KAZN: variants seen among roughly 807,000 people sequenced by gnomAD.
The protein encoded by KAZN is kazrin, periplakin interacting protein.
In KAZN, 40 loss-of-function variants were observed where a neutral mutation model predicts 87.4. That is an observed-to-expected ratio of 0.46 (90% confidence interval 0.36 to 0.60). The LOEUF (loss-of-function observed/expected upper bound fraction) is 0.60, where lower values mean the gene tolerates loss of function less well. KAZN is among the 20% of genes least tolerant of loss of function. The probability of loss-of-function intolerance (pLI) is 0.00; values close to 1 mark genes in which losing one functional copy is unlikely to be tolerated. For missense variants in KAZN, 898 were observed against 1,073.9 expected (o/e 0.84, Z 2.29); for synonymous variants, 466 against 458.3 (o/e 1.02, Z -0.22).
chr1:14,930,060 C>G (rs1411466735), intron 1 of KAZN: 1 of 985,412 alleles, frequency 1.0e-6, no homozygotes, highest in African/African-American at 1.7e-5. Flanking sequence ...TGAGTGCTGG[C>G]CGCTGTCCCA....
chr1:14,872,251 T>G (rs1449425884), intron 1 of KAZN, among the ~76,000 whole-genome samples: 1 of 152,208 alleles, frequency 6.6e-6, no homozygotes, highest in African/African-American at 2.4e-5. Context: ...AAACTACTAC[T>G]TTAGGGTGGT....
rs369412772 is a variant in KAZN, at chr1:14,945,663, C to G, written c.227-15021C>G. Among the ~76,000 whole-genome samples the G allele has an allele frequency of 8.5e-4, 129 of 152,354 alleles. 2 individuals are homozygous for G. In the South Asian group the frequency reaches 0.025, roughly 29 times the overall value. ...TTAGAAAGGCAGCCCTGCCAGTTTT[C>G]ATAAGTGAAACATTTAAAGTATGCA... On this transcript the variant is annotated intron_variant, in intron 1 of 14. Coordinates refer to ENST00000376030, the MANE Select transcript of KAZN (RefSeq NM_201628.3).
chr1:14,250,892 A>G (rs1421464484), intron 2 of KAZN, among the ~76,000 whole-genome samples: 1 of 133,278 alleles, frequency 7.5e-6, no homozygotes, highest in Non-Finnish European at 1.7e-5. Context: ...TATTAACAGC[A>G]AAAAAGAAAA....
upstream of KAZN, among the ~76,000 whole-genome samples, chr1:14,594,823 G>A (rs1676392582): frequency 6.6e-6 from 1 of 152,150 alleles, no homozygotes; most frequent in South Asian, 2.1e-4. Flanking sequence ...TTGCAGGAGG[G>A]GGTTAGGCCA....
chr1:14,635,675 A>G (rs983603592), intron 1 of KAZN, among the ~76,000 whole-genome samples: 4 of 152,210 alleles, frequency 2.6e-5, no homozygotes, highest in African/African-American at 9.6e-5. Context: ...TGCACTTAAG[A>G]GAGCTGCGTG....
chr1:14,879,367 A>T (rs78836851), intron 1 of KAZN, among the ~76,000 whole-genome samples: 2,683 of 152,384 alleles, frequency 0.018, 93 homozygotes, highest in African/African-American at 0.061. Flanking sequence ...TAGTTTTGTT[A>T]TTAATGATTA....
intron 8 of KAZN, among the ~76,000 whole-genome samples, chr1:15,082,025 T>C (rs2100634536): frequency 6.6e-6 from 1 of 152,264 alleles, no homozygotes; most frequent in Non-Finnish European, 1.5e-5. Context: ...TAGGAGATGG[T>C]GGAGCCAACT....
At chr1:14,552,985 C>T (rs1408835591) in intron 2 of KAZN, among the ~76,000 whole-genome samples, 1 of 152,096 alleles carries the variant, frequency 6.6e-6, no homozygotes, top group African/African-American at 2.4e-5. Context: ...GAAGCTAAGA[C>T]TCAGCACAAT....
intron 1 of KAZN, among the ~76,000 whole-genome samples, chr1:14,038,025 A>G (rs1010639651): frequency 6.6e-6 from 1 of 152,070 alleles, no homozygotes; most frequent in Admixed American, 6.5e-5. Flanking sequence ...CTGTCCATCC[A>G]TCCATCTGTC....
At chr1:14,174,758 GATA>G (rs1382161197) in intron 1 of KAZN, among the ~76,000 whole-genome samples, 1 of 151,964 alleles carries the variant, frequency 6.6e-6, no homozygotes, top group African/African-American at 2.4e-5. Context: ...AAACTGGAAT[GATA>G]ATCTAATAGT....
chr1:14,126,636 T>TAATA (rs1553131922), intron 1 of KAZN, among the ~76,000 whole-genome samples: 1 of 150,606 alleles, frequency 6.6e-6, no homozygotes, highest in Non-Finnish European at 1.5e-5. Flanking sequence ...ATGATAATAA[T>TAATA]AAAAAAAAAT....
intron 1 of KAZN, among the ~76,000 whole-genome samples, chr1:14,866,225 C>G (rs1340959970): frequency 6.6e-6 from 1 of 152,128 alleles, no homozygotes; most frequent in African/African-American, 2.4e-5. Flanking sequence ...CATCACCTGT[C>G]CAACCCCTAC....
At chr1:14,023,313 C>A (rs1485121873) in intron 1 of KAZN, among the ~76,000 whole-genome samples, 1 of 152,102 alleles carries the variant, frequency 6.6e-6, no homozygotes, top group African/African-American at 2.4e-5. Flanking sequence ...CACAGCGAGA[C>A]CTTGTCTCCA....
chr1:14,947,259 A>AT lies in KAZN; in HGVS notation c.227-13416dup, dbSNP rs201493783. ...TCTTTTTCCTCTTGGGGTGTTGGTA[A>AT]TTTTTTTTTCCTCAAGGGTGGGGAA... is the stretch of plus-strand genomic sequence containing the variant. On this transcript the variant is annotated intron_variant, in intron 1 of 14. Coordinates refer to ENST00000376030, the MANE Select transcript of KAZN (RefSeq NM_201628.3). Among the ~76,000 whole-genome samples the AT allele has an allele frequency of 1.5e-4, 23 of 151,648 alleles. 1 individual carries two copies. The highest frequency in any genetic ancestry group is 4.1e-4 in the African/African-American group (17 of 41,316).
intron 2 of KAZN, among the ~76,000 whole-genome samples, chr1:14,556,241 C>G (rs545901208): frequency 5.6e-4 from 85 of 151,982 alleles, no homozygotes; most frequent in Middle Eastern, 3.4e-3. Flanking sequence ...TCCCGAGTAG[C>G]TGGGACTACA....
At chr1:14,647,457 A>C (rs1680890609) in intron 1 of KAZN, among the ~76,000 whole-genome samples, 2 of 152,174 alleles carry the variant, frequency 1.3e-5, no homozygotes. Flanking sequence ...AGGACCAGTC[A>C]ATTGTTACAG....
Position 15,063,879 on chromosome 1 carries a change from C to T in KAZN, c.1098+257C>T, listed in dbSNP as rs148528319. On this transcript the variant is annotated intron_variant, in intron 7 of 14. Coordinates refer to ENST00000376030, the MANE Select transcript of KAZN (RefSeq NM_201628.3). ...ACTTCCGCTGAGCCCACATCCATGC[C>T]GCACACCCAAGATGGAGAGGATTTA... is the stretch of plus-strand genomic sequence containing the variant. Among the ~76,000 whole-genome samples the T allele has an allele frequency of 1.1e-4, 15 of 133,110 alleles. 1 individual carries two copies. The highest frequency in any genetic ancestry group is 5.8e-4 in the African/African-American group (14 of 24,256). The allele number at this position is 133,110 out of a possible 152,430, so 87.3% of individuals were successfully genotyped here.
intron 2 of KAZN, among the ~76,000 whole-genome samples, chr1:14,225,528 T>G (rs147682382): frequency 6.6e-6 from 1 of 151,950 alleles, no homozygotes; most frequent in Admixed American, 6.6e-5. Flanking sequence ...TAGAAAAAAA[T>G]TCTAAAATTC....
intron 1 of KAZN, among the ~76,000 whole-genome samples, chr1:14,100,183 C>T (rs116385344): frequency 0.03 from 4,574 of 152,266 alleles, 224 homozygotes; most frequent in African/African-American, 0.1. Flanking sequence ...TAGACCCTGC[C>T]TATCCTTAAT....
Sources: gnomAD v4.1 joint callset for allele counts (sites outside exome capture counted in the v4.1 genomes callset) on GRCh38, gnomAD v4.1.1 for gene constraint, MANE v1.5 for transcripts, NCBI Gene and HGNC (gene_info 2026-07-23, HGNC 2026-07-21) for gene names.